The following RBMS3 variants were observed in gnomAD, a reference collection of about 807,000 sequenced individuals.
RBMS3 encodes the protein RNA-binding motif, single-stranded-interacting protein 3.
In RBMS3, 27 loss-of-function variants were observed where a neutral mutation model predicts 66.8. The observed-to-expected ratio is 0.40, with a 90% CI of 0.30 to 0.56. The LOEUF (loss-of-function observed/expected upper bound fraction) is 0.56. Ranked by LOEUF, RBMS3 falls within the 20% of genes least tolerant of loss-of-function variation. The probability of loss-of-function intolerance (pLI) is 0.40; values close to 1 mark genes in which losing one functional copy is unlikely to be tolerated. For synonymous variants in RBMS3, 188 were observed against 183.0 expected (o/e 1.03, Z -0.22); for missense variants, 513 against 549.5 (o/e 0.93, Z 0.66).
intron 4 of RBMS3, among the ~76,000 whole-genome samples, chr3:29,681,350 C>T (rs2051486040): frequency 6.6e-6 from 1 of 151,970 alleles, no homozygotes; most frequent in Non-Finnish European, 1.5e-5. Context: ...TTTTCTTCAG[C>T]TTTTATTTTA....
chr3:29,780,635 C>G (rs556131298), intron 6 of RBMS3, among the ~76,000 whole-genome samples: 161 of 152,172 alleles, frequency 1.1e-3, no homozygotes, highest in African/African-American at 3.8e-3. Flanking sequence ...TTCCCAAAAA[C>G]CAGTATCCTA....
intron 1 of RBMS3, among the ~76,000 whole-genome samples, chr3:29,352,061 T>C (rs894196414): frequency 6.6e-6 from 1 of 152,022 alleles, no homozygotes; most frequent in Non-Finnish European, 1.5e-5. Context: ...TTGGTTATAT[T>C]TCTGAATTCT....
chr3:29,315,560 T>C (rs1298407126), intron 1 of RBMS3, among the ~76,000 whole-genome samples: 1 of 151,764 alleles, frequency 6.6e-6, no homozygotes, highest in Non-Finnish European at 1.5e-5. Flanking sequence ...AACTTACTTT[T>C]TTATCATATT....
At chr3:29,640,688 T>G (rs372750727) in intron 4 of RBMS3, among the ~76,000 whole-genome samples, 1 of 151,864 alleles carries the variant, frequency 6.6e-6, no homozygotes, top group Non-Finnish European at 1.5e-5. Flanking sequence ...CTTTCTGCTA[T>G]CAATCATATA....
intron 6 of RBMS3, among the ~76,000 whole-genome samples, chr3:29,863,421 A>G (rs921072610): frequency 6.6e-6 from 1 of 152,186 alleles, no homozygotes; most frequent in Admixed American, 6.5e-5. Context: ...AAATGTATCT[A>G]GTAAAACATT....
Position 29,873,736 on chromosome 3 carries a change from C to T in RBMS3, c.744+4772C>T, listed in dbSNP as rs1389040235. Among the ~76,000 whole-genome samples, 6 of 152,022 alleles carry T rather than the reference C, an allele frequency of 3.9e-5. No homozygotes were observed. The South Asian group carries it at 1.2e-3, about 32-fold the overall frequency. ...TTGACTATGGGTTTTTCATAAATGG[C>T]TCTTATTATTTTGAGCTATGTTCCT... is the stretch of plus-strand genomic sequence containing the variant. On this transcript the variant is annotated intron_variant, in intron 7 of 14. Coordinates refer to ENST00000383767, the MANE Select transcript of RBMS3 (RefSeq NM_001003793.3).
intron 4 of RBMS3, among the ~76,000 whole-genome samples, chr3:29,654,423 C>G (rs750041416): frequency 7.9e-5 from 12 of 151,872 alleles, no homozygotes; most frequent in Non-Finnish European, 1.6e-4. Flanking sequence ...GATATCACTA[C>G]TCATCTACAG....
At chr3:29,802,983 G>A (rs1475825183) in intron 6 of RBMS3, among the ~76,000 whole-genome samples, 2 of 152,126 alleles carry the variant, frequency 1.3e-5, no homozygotes, top group East Asian at 3.9e-4. Context: ...GACAAGAAAG[G>A]ACGTTGACTT....
chr3:29,283,042 C>A (rs533848637), intron 1 of RBMS3, among the ~76,000 whole-genome samples: 1 of 152,074 alleles, frequency 6.6e-6, no homozygotes, highest in South Asian at 2.1e-4. Flanking sequence ...ATAGACTAGC[C>A]CTCCTGCTCG....
intron 1 of RBMS3, among the ~76,000 whole-genome samples, chr3:29,299,446 T>A (rs1478899678): frequency 1.3e-5 from 2 of 151,920 alleles, no homozygotes; most frequent in African/African-American, 4.8e-5. Context: ...AATGATAGAT[T>A]TTTAATTCTT....
intron 1 of RBMS3, among the ~76,000 whole-genome samples, chr3:29,425,222 A>C (rs796568482): frequency 5.3e-5 from 8 of 151,170 alleles, no homozygotes; most frequent in African/African-American, 1.7e-4. Context: ...AAAACAAAAA[A>C]AAAAAAACAG....
At chr3:29,337,163 A>G (rs1256418047) in intron 1 of RBMS3, among the ~76,000 whole-genome samples, 1 of 152,152 alleles carries the variant, frequency 6.6e-6, no homozygotes, top group Admixed American at 6.6e-5. Context: ...ATTTATGGAA[A>G]TATTTGTAAA....
intron 3 of RBMS3, among the ~76,000 whole-genome samples, chr3:29,525,961 A>G (rs558452373): frequency 6.6e-6 from 1 of 152,318 alleles, no homozygotes; most frequent in Non-Finnish European, 1.5e-5. Context: ...TTTATCAATG[A>G]AATTTAAGCA....
At chr3:29,973,310 C>T (rs571094258) in intron 12 of RBMS3, among the ~76,000 whole-genome samples, 16 of 152,016 alleles carry the variant, frequency 1.1e-4, no homozygotes, top group South Asian at 1.0e-3. Flanking sequence ...AGTAACAATA[C>T]GAAAGATCCA....
At chr3:29,762,626 A>G (rs1440003030) in intron 5 of RBMS3, among the ~76,000 whole-genome samples, 2 of 152,144 alleles carry the variant, frequency 1.3e-5, no homozygotes, top group Admixed American at 1.3e-4. Flanking sequence ...ATTGCCAAAT[A>G]TTGCTGGGTG....
intron 6 of RBMS3, among the ~76,000 whole-genome samples, chr3:29,856,133 A>G (rs1382395255): frequency 6.6e-6 from 1 of 152,156 alleles, no homozygotes; most frequent in Non-Finnish European, 1.5e-5. Flanking sequence ...GACTTTTTCT[A>G]TTTTATTCAT....
chr3:29,352,198 C>T (rs150689976), intron 1 of RBMS3, among the ~76,000 whole-genome samples: 1,584 of 152,088 alleles, frequency 0.01, 34 homozygotes, highest in African/African-American at 0.036. Context: ...TTTTCTGCAA[C>T]TGCGTCTTTT....
At chr3:29,664,698 TA>T (rs1310460774) in intron 4 of RBMS3, among the ~76,000 whole-genome samples, 5 of 150,910 alleles carry the variant, frequency 3.3e-5, no homozygotes, top group Admixed American at 6.6e-5. Flanking sequence ...AAAAGTACTT[TA>T]TTTTTTTTAG....
intron 2 of RBMS3, among the ~76,000 whole-genome samples, chr3:29,475,626 T>G (rs2042920706): frequency 6.6e-6 from 1 of 152,174 alleles, no homozygotes; most frequent in Non-Finnish European, 1.5e-5. Flanking sequence ...TACCAAATCA[T>G]GAAACATTTA....
Sources: gnomAD v4.1 joint callset for allele counts (sites outside exome capture counted in the v4.1 genomes callset) on GRCh38, gnomAD v4.1.1 for gene constraint, MANE v1.5 for transcripts, NCBI Gene and HGNC (gene_info 2026-07-23, HGNC 2026-07-21) for gene names.